Variants in HERC1 observed in about 807,000 individuals in gnomAD.
The protein encoded by HERC1 is HECT and RLD domain containing E3 ubiquitin protein ligase family member 1, also known as probable E3 ubiquitin-protein ligase HERC1.
Under a neutral mutation model 554.3 loss-of-function variants are expected in HERC1, and 160 were observed. The observed-to-expected ratio is 0.29, with a 90% CI of 0.25 to 0.33. HERC1 has a LOEUF of 0.33. Among genes scored for constraint, HERC1 ranks in the 10% least tolerant of loss-of-function variants. The probability of loss-of-function intolerance (pLI) is 1.00; values close to 1 mark genes in which losing one functional copy is unlikely to be tolerated. For missense variants in HERC1, 4,919 were observed against 5,918.5 expected (o/e 0.83, Z 5.54); for synonymous variants, 2,175 against 2,131.7 (o/e 1.02, Z -0.56).
chr15:63,615,721 G>A (rs541476504), intron 76 of HERC1, 47 bp downstream of exon 76: 2 of 1,507,850 alleles, frequency 1.3e-6, no homozygotes, highest in African/African-American at 1.4e-5. Context: ...CTCATTTGGA[G>A]AGAAACCCAA....
At chr15:63,822,953 A>C (rs1305203531) in intron 1 of HERC1, among the ~76,000 whole-genome samples, 1 of 152,230 alleles carries the variant, frequency 6.6e-6, no homozygotes, top group Non-Finnish European at 1.5e-5. Flanking sequence ...CCATTTATTA[A>C]TACTAAGAGC....
At chr15:63,666,591 C>A in intron 40 of HERC1, 119 bp from the exon 41 acceptor site, 3 of 644,956 alleles carry the variant, frequency 4.7e-6, no homozygotes, top group Non-Finnish European at 8.1e-6. Context: ...TTCCTCTACT[C>A]AGAATATGTG....
chr15:63,730,086 T>C (rs1028257387), intron 14 of HERC1, among the ~76,000 whole-genome samples: 5 of 151,324 alleles, frequency 3.3e-5, no homozygotes, highest in African/African-American at 1.2e-4. Context: ...TTTTAAGTAT[T>C]TGCTATAACC....
At chr15:63,794,774 GA>G (rs1045099500) in intron 1 of HERC1, among the ~76,000 whole-genome samples, 2 of 152,010 alleles carry the variant, frequency 1.3e-5, no homozygotes, top group Admixed American at 1.3e-4. Flanking sequence ...AGCAGTTTAA[GA>G]AAAACACGTA....
At position 63,813,078 on chromosome 15, in the gene HERC1, A is replaced by G. The variant is rs190638278; in HGVS notation, c.-27+20749T>C. Among the ~76,000 whole-genome samples the G allele has an allele frequency of 2.7e-4, 41 of 152,348 alleles. No homozygotes were observed. In the East Asian group the frequency reaches 4.6e-3, roughly 17 times the overall value. ...ATATTGAGATACATAAATGAAACAT[A>G]TTGCCAATCCTCAAAAAGAAGATTT... On this transcript the variant is annotated intron_variant, in intron 1 of 77. Transcript: ENST00000443617.
intron 12 of HERC1, among the ~76,000 whole-genome samples, chr15:63,735,137 A>G (rs192274665): frequency 2.6e-5 from 4 of 152,300 alleles, no homozygotes; most frequent in Admixed American, 6.5e-5. Flanking sequence ...GCAGAAATGA[A>G]TAAGACAGAC....
In HERC1 at chr15:63,810,248, T is replaced by A. The variant is rs1254911252; in HGVS notation, c.-27+23579A>T. The stretch of plus-strand genomic sequence containing the variant: ...TTAATAGGAGCATTATTCATAATAA[T>A]CAAAAGGCAGAAATAGACCAATTGT... On this transcript the variant is annotated intron_variant, in intron 1 of 77. Coordinates refer to ENST00000443617, the MANE Select transcript of HERC1 (RefSeq NM_003922.4). Among the ~76,000 whole-genome samples, 24 of 152,188 alleles carry A rather than the reference T, an allele frequency of 1.6e-4. No homozygotes were observed. The East Asian group carries it at 3.9e-3, about 24-fold the overall frequency.
chr15:63,657,607 T>C (rs1318272114), intron 48 of HERC1, among the ~76,000 whole-genome samples: 1 of 152,188 alleles, frequency 6.6e-6, no homozygotes, highest in Non-Finnish European at 1.5e-5. Context: ...AAATCACTTT[T>C]GCTAAACAGA....
At chr15:63,827,044 T>A (rs2077963260) in intron 1 of HERC1, among the ~76,000 whole-genome samples, 2 of 151,898 alleles carry the variant, frequency 1.3e-5, no homozygotes, top group African/African-American at 4.8e-5. Flanking sequence ...CGCGCAAGGC[T>A]ATTTACATAA....
chr15:63,704,493 G>C (rs1039046004), intron 25 of HERC1, among the ~76,000 whole-genome samples: 2 of 152,092 alleles, frequency 1.3e-5, no homozygotes, highest in Non-Finnish European at 2.9e-5. Flanking sequence ...ATGCTACTCA[G>C]TAAGTCTGGA....
intron 74 of HERC1, among the ~76,000 whole-genome samples, chr15:63,619,779 C>T (rs2067990165): frequency 1.3e-5 from 2 of 152,070 alleles, no homozygotes; most frequent in South Asian, 2.1e-4. Context: ...AGTTTATTTG[C>T]ATAGAGGTGT....
chr15:63,706,603 T>C (rs1199320122), intron 25 of HERC1, among the ~76,000 whole-genome samples, 177 bp downstream of exon 25: 2 of 152,178 alleles, frequency 1.3e-5, no homozygotes, highest in Non-Finnish European at 2.9e-5. Context: ...ATAGTCTTCG[T>C]TTTAACTCTT....
intron 12 of HERC1, 36 bp downstream of exon 12, chr15:63,746,882 G>A (rs2075075555): frequency 6.6e-7 from 1 of 1,524,536 alleles, no homozygotes; most frequent in Non-Finnish European, 8.9e-7. Flanking sequence ...GAAAGACGTG[G>A]TTTGAGATAC....
In HERC1 at chr15:63,729,381, A is replaced by C; in HGVS notation, c.3022-13T>G. ...CACTGCTTGAGTTCTAAGAAGAAAA[A>C]AAGTTCCTAAATTACTACTTTGAAA... On this transcript the variant is annotated splice_polypyrimidine_tract_variant and intron_variant, in intron 15 of 77. Transcript: ENST00000443617. The C allele has an allele frequency of 6.3e-7, 1 of 1,591,372 alleles. No homozygotes were observed. Among genetic ancestry groups the C allele is most frequent in the Non-Finnish European group, 8.5e-7 (1 of 1,172,376 alleles).
At chr15:63,638,608 G>A in intron 62 of HERC1, 72 bp from the exon 63 acceptor site, 1 of 1,605,006 alleles carries the variant, frequency 6.2e-7, no homozygotes, top group Non-Finnish European at 8.5e-7. Flanking sequence ...CGTACCAAGT[G>A]TGTGCCAGCC....
chr15:63,773,475 G>A (rs2076012344), intron 2 of HERC1, among the ~76,000 whole-genome samples: 1 of 149,464 alleles, frequency 6.7e-6, no homozygotes, highest in Admixed American at 6.7e-5. Context: ...CTTGATCAAT[G>A]TAACCTAATT....
intron 50 of HERC1, 59 bp downstream of exon 50, chr15:63,655,683 A>G (rs1397722500): frequency 8.4e-6 from 10 of 1,193,280 alleles, no homozygotes; most frequent in Non-Finnish European, 1.2e-5. Flanking sequence ...ATGTAAAAAC[A>G]TTATTTAAAA....
rs2075425071 is a variant in HERC1 at position 63,756,507 on chromosome 15, C to T, written c.1463G>A (p.Gly488Glu). The change falls in exon 5 of 78, where the codon GGG becomes GAG. Residue 488 changes from glycine (G) to glutamate (E), a missense_variant. By Grantham distance (98) the Gly-to-Glu change is moderately conservative. Coordinates refer to ENST00000443617, the MANE Select transcript of HERC1 (RefSeq NM_003922.4). This position sits in a 1 kb window ranked among gnomAD's most constrained non-coding sequence, Gnocchi z 5.0. ...TGAACTATTTCCATGCCCCAGTTTC[C>T]CATAATCACCATCTCCCCAACTGAA... ...EVFSWGDGDY[G>E]KLGHGNSSTQ... 1 of 1,613,850 alleles carries T rather than the reference C, an allele frequency of 6.2e-7. No homozygotes were observed. The highest frequency in any genetic ancestry group is 8.5e-7 in the Non-Finnish European group (1 of 1,179,856).
In HERC1 at chr15:63,637,563, T is replaced by C. The variant is rs1595869846; in HGVS notation, c.12174A>G (p.Arg4058=). The change falls in exon 64 of 78, where the codon AGA becomes AGG. Residue 4058 remains arginine (R), a synonymous_variant. Coordinates refer to ENST00000443617, the MANE Select transcript of HERC1 (RefSeq NM_003922.4). ...GGTCATCTGAATTTCCTTGTCCTAA[T>C]CTGCCATAACTTCCTTCCCCACAAG... ...VLACGEGSYG[R]LGQGNSDDLH... The C allele has an allele frequency of 6.4e-7, 1 of 1,561,366 alleles. No homozygotes were observed. The highest frequency in any genetic ancestry group is 8.7e-7 in the Non-Finnish European group (1 of 1,151,294).
Sources: allele counts gnomAD v4.1 joint callset (sites outside exome capture counted in the v4.1 genomes callset), GRCh38; gene constraint gnomAD v4.1.1; non-coding constraint Gnocchi (gnomAD v3.1); transcripts MANE v1.5; gene names NCBI Gene and HGNC (gene_info 2026-07-23, HGNC 2026-07-21).